CLVS1: variants seen among roughly 807,000 people sequenced by gnomAD.
CLVS1 encodes the protein clavesin-1.
A neutral mutation model predicts 33.1 loss-of-function variants in CLVS1; 10 were observed. That is an observed-to-expected ratio of 0.30 (90% CI 0.19 to 0.51). The LOEUF (loss-of-function observed/expected upper bound fraction) is 0.51. Among genes scored for constraint, CLVS1 ranks in the 20% least tolerant of loss-of-function variants. CLVS1 has a pLI of 0.97. For missense variants in CLVS1, 343 were observed against 433.4 expected, an observed-to-expected ratio of 0.79 and a Z score of 1.85; for synonymous variants, 163 against 166.1, an observed-to-expected ratio of 0.98 and a Z score of 0.14.
chr8:61,242,448 A>C (rs1025534528), intron 2 of CLVS1, among the ~76,000 whole-genome samples: 1 of 151,952 alleles, frequency 6.6e-6, no homozygotes, highest in Non-Finnish European at 1.5e-5. Context: ...ATGGATTTTA[A>C]ATTTTCAGGT....
chr8:61,118,883 T>C (rs1005108103), intron 1 of CLVS1, among the ~76,000 whole-genome samples: 1 of 152,182 alleles, frequency 6.6e-6, no homozygotes, highest in Non-Finnish European at 1.5e-5. Context: ...GGATGTCTAT[T>C]AGGTCCGCTT....
intron 2 of CLVS1, among the ~76,000 whole-genome samples, chr8:61,235,059 A>C (rs1268888037): frequency 6.6e-6 from 1 of 152,226 alleles, no homozygotes; most frequent in African/African-American, 2.4e-5. Context: ...CGAACCTAGT[A>C]GCCACTTAAA....
Position 61,355,635 on chromosome 8 carries a change from A to G in CLVS1, c.456-20970A>G, listed in dbSNP as rs150174401. Among the ~76,000 whole-genome samples, 471 of 152,214 alleles carry G rather than the reference A, an allele frequency of 3.1e-3. 1 individual carries two copies. The highest frequency in any genetic ancestry group is 0.011 in the African/African-American group (452 of 41,538). ...TGTGTCCATGTGTTCTCATTGTTCA[A>G]TTCCCACCTATGAGTGAGAATATGA... is the stretch of plus-strand genomic sequence containing the variant. On this transcript the variant is annotated intron_variant, in intron 2 of 5. Coordinates refer to ENST00000325897, the MANE Select transcript of CLVS1 (RefSeq NM_173519.3).
intron 2 of CLVS1, among the ~76,000 whole-genome samples, chr8:61,155,000 G>A (rs1806622094): frequency 6.6e-6 from 1 of 152,202 alleles, no homozygotes; most frequent in South Asian, 2.1e-4. Context: ...GTGTGTGCAT[G>A]TGTTTGTGTG....
chr8:61,225,229 A>G (rs187738458), intron 2 of CLVS1, among the ~76,000 whole-genome samples: 1 of 152,230 alleles, frequency 6.6e-6, no homozygotes, highest in East Asian at 1.9e-4. Flanking sequence ...GAGGCAGGAG[A>G]ATCACTTGAA....
intron 2 of CLVS1, among the ~76,000 whole-genome samples, chr8:61,244,477 T>G (rs767169689): frequency 6.6e-6 from 1 of 152,212 alleles, no homozygotes; most frequent in Non-Finnish European, 1.5e-5. Flanking sequence ...GTGCTCTACA[T>G]ATGACAGTTA....
intron 5 of CLVS1, among the ~76,000 whole-genome samples, chr8:61,482,100 C>T (rs557751976): frequency 1.3e-5 from 2 of 152,298 alleles, no homozygotes; most frequent in East Asian, 3.9e-4. Flanking sequence ...CTGGAGTGGA[C>T]CTCCAGCAAA....
At chr8:61,338,823 C>T (rs1002911928) in intron 2 of CLVS1, among the ~76,000 whole-genome samples, 2 of 152,134 alleles carry the variant, frequency 1.3e-5, no homozygotes, top group Admixed American at 1.3e-4. Context: ...CCCGGGGAGG[C>T]TCTTCCTCTC....
At chr8:61,174,697 A>G (rs192839726) in intron 2 of CLVS1, among the ~76,000 whole-genome samples, 139 of 152,348 alleles carry the variant, frequency 9.1e-4, no homozygotes, top group Middle Eastern at 3.4e-3. Context: ...TAATTCCTCA[A>G]TGATTAAGGG....
rs549772037 is a variant in CLVS1, at chr8:61,427,177, G to A, written c.631-26964G>A. On this transcript the variant is annotated intron_variant, in intron 3 of 5. Coordinates refer to ENST00000325897, the MANE Select transcript of CLVS1 (RefSeq NM_173519.3). ...TAAAGGAGATGTAACTCACTCAACAGCAACACTTCATAAAATAAATCATCT... is the reference window on the plus strand; with the variant it reads ...TAAAGGAGATGTAACTCACTCAACAACAACACTTCATAAAATAAATCATCT... Among the ~76,000 whole-genome samples, 7 of 152,250 alleles carry A rather than the reference G, an allele frequency of 4.6e-5. No homozygotes were observed. In the East Asian group the frequency reaches 1.4e-3, roughly 29 times the overall value.
intron 2 of CLVS1, among the ~76,000 whole-genome samples, chr8:61,267,342 T>C (rs1809330670): frequency 6.6e-6 from 1 of 152,190 alleles, no homozygotes; most frequent in Non-Finnish European, 1.5e-5. Flanking sequence ...GTATCTAAAT[T>C]TGTGTTGTGT....
chr8:61,135,691 G>C (rs1484319952), intron 2 of CLVS1, among the ~76,000 whole-genome samples: 1 of 152,222 alleles, frequency 6.6e-6, no homozygotes, highest in Non-Finnish European at 1.5e-5. Flanking sequence ...AAGTCAGTTG[G>C]AGCCTGGCTT....
chr8:61,106,062 T>C (rs1160169562), intron 1 of CLVS1, among the ~76,000 whole-genome samples: 2 of 152,242 alleles, frequency 1.3e-5, no homozygotes, highest in Non-Finnish European at 2.9e-5. Context: ...TATAGTTATT[T>C]GCCTGACTAC....
intron 2 of CLVS1, among the ~76,000 whole-genome samples, chr8:61,365,236 T>C (rs1014415468): frequency 8.5e-5 from 13 of 152,138 alleles, no homozygotes; most frequent in African/African-American, 2.4e-4. Context: ...ATGCAAGATC[T>C]ATAAATGTTG....
At chr8:61,354,082 T>C (rs888307293) in intron 2 of CLVS1, among the ~76,000 whole-genome samples, 6 of 152,108 alleles carry the variant, frequency 3.9e-5, no homozygotes, top group African/African-American at 1.4e-4. Flanking sequence ...TCAAATTCGT[T>C]GAATTCATAA....
At chr8:61,189,063 C>T (rs893479609) in intron 2 of CLVS1, among the ~76,000 whole-genome samples, 2 of 151,984 alleles carry the variant, frequency 1.3e-5, no homozygotes, top group Admixed American at 1.3e-4. Context: ...CTCCAAGACA[C>T]GTAACTGTCA....
intron 3 of CLVS1, chr8:61,391,185 G>A (rs1814289992): frequency 6.6e-6 from 1 of 152,242 alleles, no homozygotes; most frequent in African/African-American, 2.4e-5. Flanking sequence ...GCCAGAGCTA[G>A]TTATTCATTG....
intron 1 of CLVS1, among the ~76,000 whole-genome samples, chr8:61,102,162 C>T (rs879711741): frequency 1.1e-4 from 16 of 152,090 alleles, no homozygotes; most frequent in East Asian, 3.8e-4. Flanking sequence ...CTGGAGATTG[C>T]GTTAAATCTG....
chr8:61,406,814 G>T (rs1280065533), intron 3 of CLVS1, among the ~76,000 whole-genome samples: 1 of 152,060 alleles, frequency 6.6e-6, no homozygotes. Flanking sequence ...TCACTGTGTT[G>T]CCCAGGCTGG....
Sources: allele counts gnomAD v4.1 joint callset (sites outside exome capture counted in the v4.1 genomes callset), GRCh38; gene constraint gnomAD v4.1.1; transcripts MANE v1.5; gene names NCBI Gene and HGNC (gene_info 2026-07-23, HGNC 2026-07-21).